The following SCML4 variants were observed in gnomAD, a reference collection of about 807,000 sequenced individuals.
The protein encoded by SCML4 is sex comb on midleg-like protein 4.
In SCML4, 34 loss-of-function variants were observed where a neutral mutation model predicts 41.1. The observed-to-expected ratio is 0.83, with a 90% CI of 0.63 to 1.10. The LOEUF is 1.10. SCML4 is among the 50% of genes least tolerant of loss of function. The pLI is 0.00. For synonymous variants in SCML4, 214 were observed against 220.9 expected, an observed-to-expected ratio of 0.97 and a Z score of 0.28; for missense variants, 522 against 534.1, an observed-to-expected ratio of 0.98 and a Z score of 0.22.
At chr6:107,730,300 G>A (rs913571778) in intron 5 of SCML4, among the ~76,000 whole-genome samples, 33 of 151,954 alleles carry the variant, frequency 2.2e-4, no homozygotes, top group Non-Finnish European at 4.7e-4. Context: ...ACAGAGTCCC[G>A]GCAGACCGTA....
chr6:107,827,235 T>C (rs1322987809), upstream of SCML4, among the ~76,000 whole-genome samples: 1 of 147,236 alleles, frequency 6.8e-6, no homozygotes, highest in Non-Finnish European at 1.5e-5. Flanking sequence ...TTTATATTTT[T>C]ATTTAAATAT....
At chr6:107,739,413 C>A (rs569934254) in intron 5 of SCML4, among the ~76,000 whole-genome samples, 1 of 152,160 alleles carries the variant, frequency 6.6e-6, no homozygotes, top group East Asian at 1.9e-4. Flanking sequence ...TTCCATAGTT[C>A]CTTAGCTGTC....
intron 1 of SCML4, among the ~76,000 whole-genome samples, chr6:107,803,550 A>G (rs1258009564): frequency 2.1e-4 from 31 of 148,130 alleles, no homozygotes; most frequent in South Asian, 6.5e-4. Flanking sequence ...TGGGAGGTGT[A>G]CTCAACAGCT....
At chr6:107,746,953 T>C in intron 3 of SCML4, 64 bp from the exon 4 acceptor site, 2 of 1,403,780 alleles carry the variant, frequency 1.4e-6, no homozygotes, top group Non-Finnish European at 2.0e-6. Flanking sequence ...TGGCGGCCTC[T>C]GTGTACACGG....
In SCML4 at chr6:107,819,740, G is replaced by T. The variant is rs549479338; in HGVS notation, c.-60+4386C>A. ...TAGGTAGCATGTGTCTAAGTTAGTG[G>T]CAGAGTAAGAGGAGTTTATATGGTT... On this transcript the variant is annotated intron_variant, in intron 1 of 7. Transcript: ENST00000369020. 7.3e-5 allele frequency among the ~76,000 whole-genome samples: 11 copies of T among 151,462 alleles called. No homozygotes were observed. In the South Asian group the frequency reaches 2.3e-3, roughly 32 times the overall value.
intron 6 of SCML4, among the ~76,000 whole-genome samples, chr6:107,710,897 G>T (rs1774150143): frequency 1.5e-5 from 1 of 67,534 alleles, no homozygotes; most frequent in Non-Finnish European, 3.2e-5. Flanking sequence ...CTAAATCCCA[G>T]GGCCACCAGC....
chr6:107,826,842 T>A (rs1406276059), upstream of SCML4, among the ~76,000 whole-genome samples: 3 of 152,214 alleles, frequency 2.0e-5, no homozygotes, highest in Non-Finnish European at 2.9e-5. Context: ...GGTGGGCAGA[T>A]CACAAGGTCA....
At position 107,770,135 on chromosome 6, in the gene SCML4, C is replaced by T. The variant is rs185201431; in HGVS notation, c.156+2037G>A. Among the ~76,000 whole-genome samples, 5 of 152,088 alleles carry T rather than the reference C, an allele frequency of 3.3e-5. No homozygotes were observed. The East Asian group carries it at 9.6e-4, about 29-fold the overall frequency. On this transcript the variant is annotated intron_variant, in intron 2 of 7. Coordinates refer to ENST00000369020, the MANE Select transcript of SCML4 (RefSeq NM_198081.5). ...TGTCATTAATGGTAAAATGGGGTGTCCAGGTCTAGGAAATTGTCAAAATAA... is the reference window on the plus strand; with the variant it reads ...TGTCATTAATGGTAAAATGGGGTGTTCAGGTCTAGGAAATTGTCAAAATAA...
chr6:107,825,953 A>AG (rs983492180), upstream of SCML4, among the ~76,000 whole-genome samples: 12 of 149,140 alleles, frequency 8.0e-5, no homozygotes, highest in South Asian at 2.1e-4. Context: ...AAAAAAAAAA[A>AG]AAAGAAAATA....
Position 107,817,620 on chromosome 6 carries a change from C to CAAAAAAA in SCML4, c.-60+6499_-60+6505dup, listed in dbSNP as rs35621962. 6.5e-3 allele frequency among the ~76,000 whole-genome samples: 299 copies of CAAAAAAA among 45,968 alleles called. 33 individuals are homozygous for CAAAAAAA. Among genetic ancestry groups the CAAAAAAA allele is most frequent in the African/African-American group, 0.04 (287 of 7,186 alleles). The allele number at this position is 45,968 out of a possible 152,430, so 30.2% of individuals were successfully genotyped here. On this transcript the variant is annotated intron_variant, in intron 1 of 7. Transcript: ENST00000369020. ...TGGGCAACAGAGGAAGACTTCATCT[C>CAAAAAAA]AAAAAAAAAAAAAAAGAAAAAAAAA...
intron 1 of SCML4, among the ~76,000 whole-genome samples, chr6:107,786,468 T>C (rs1781903684): frequency 6.8e-6 from 1 of 147,534 alleles, no homozygotes; most frequent in Non-Finnish European, 1.5e-5. Context: ...CTTTCTATTC[T>C]ACATCCTTTC....
At chr6:107,786,568 T>G (rs80235851) in intron 1 of SCML4, among the ~76,000 whole-genome samples, 4,365 of 152,298 alleles carry the variant, frequency 0.029, 230 homozygotes, top group African/African-American at 0.1. Context: ...CTAATATGCT[T>G]GAGCTCCTTG....
intron 6 of SCML4, among the ~76,000 whole-genome samples, chr6:107,717,635 C>T (rs1774970500): frequency 1.3e-5 from 2 of 152,182 alleles, no homozygotes; most frequent in Non-Finnish European, 2.9e-5. Context: ...GCAACCTCCA[C>T]CTCCCGGGTT....
intron 1 of SCML4, among the ~76,000 whole-genome samples, chr6:107,807,713 GGAA>G (rs1554223879): frequency 3.3e-5 from 5 of 152,134 alleles, no homozygotes; most frequent in Non-Finnish European, 7.4e-5. Flanking sequence ...GACTATATGG[GGAA>G]AATGCCTGCC....
intron 2 of SCML4, among the ~76,000 whole-genome samples, chr6:107,768,963 A>G (rs1780292188): frequency 6.6e-6 from 1 of 152,186 alleles, no homozygotes; most frequent in South Asian, 2.1e-4. Flanking sequence ...TTCTTTAAAA[A>G]TACCTTGGTG....
At chr6:107,778,503 T>C (rs1781218294) in intron 1 of SCML4, among the ~76,000 whole-genome samples, 1 of 152,040 alleles carries the variant, frequency 6.6e-6, no homozygotes, top group East Asian at 1.9e-4. Flanking sequence ...GCCTGGAATA[T>C]TAAATCAAGT....
At chr6:107,725,020 G>T (rs1775819948) in intron 5 of SCML4, among the ~76,000 whole-genome samples, 1 of 152,208 alleles carries the variant, frequency 6.6e-6, no homozygotes, top group Admixed American at 6.5e-5. Flanking sequence ...GAGTAGATTG[G>T]TGGTTACCAG....
chr6:107,807,482 T>A (rs1237163769), intron 1 of SCML4, among the ~76,000 whole-genome samples: 1 of 152,142 alleles, frequency 6.6e-6, no homozygotes, highest in Non-Finnish European at 1.5e-5. Context: ...CAGCACAGAG[T>A]TATTCCCAGG....
Position 107,745,075 on chromosome 6 carries a change from G to A in SCML4, c.556C>T (p.Leu186Phe). ...LPVVNSIGYV[L>F]RFLAKLCRSL... is the part of the protein sequence containing the mutation. ...CGGCACAGCTTGGCGAGGAAGCGGA[G>A]GACATAGCCGATGCTGTTCACCACA... The change falls in exon 5 of 8, where the codon CTC (leucine) becomes TTC (phenylalanine). Residue 186 changes from leucine (L) to phenylalanine (F), a missense_variant. Physicochemically the swap from Leu to Phe is conservative, Grantham distance 22 (BLOSUM62 0). Coordinates refer to ENST00000369020, the MANE Select transcript of SCML4 (RefSeq NM_198081.5). The A allele has an allele frequency of 6.2e-7, 1 of 1,613,390 alleles. No homozygotes were observed.
Sources: gnomAD v4.1 joint callset for allele counts (sites outside exome capture counted in the v4.1 genomes callset) on GRCh38, gnomAD v4.1.1 for gene constraint, MANE v1.5 for transcripts, NCBI Gene and HGNC (gene_info 2026-07-23, HGNC 2026-07-21) for gene names.